The following GRAMD2A variants were observed in gnomAD, a reference collection of about 807,000 sequenced individuals.
GRAMD2A encodes the protein GRAM domain containing 2A.
Under a neutral mutation model 51.1 loss-of-function variants are expected in GRAMD2A, and 37 were observed. That is an observed-to-expected ratio of 0.72 (90% CI 0.56 to 0.95). The LOEUF is 0.95. Ranked by LOEUF, GRAMD2A falls within the 40% of genes least tolerant of loss-of-function variation. GRAMD2A has a pLI of 0.00. For synonymous variants in GRAMD2A, 136 were observed against 157.1 expected (o/e 0.87, Z 1.01); for missense variants, 414 against 426.9 (o/e 0.97, Z 0.27).
At chr15:72,186,184 T>C (rs2081732950) in intron 1 of GRAMD2A, among the ~76,000 whole-genome samples, 1 of 152,192 alleles carries the variant, frequency 6.6e-6, no homozygotes, top group African/African-American at 2.4e-5. Flanking sequence ...ACTAAAATTA[T>C]AGTGCTCAGT....
chr15:72,169,243 G>A (rs187960769), intron 2 of GRAMD2A: 37 of 564,030 alleles, frequency 6.6e-5, no homozygotes, highest in Admixed American at 2.1e-4. Context: ...TCCCCAGTGC[G>A]GGTGAGCAGC....
In GRAMD2A at chr15:72,168,180, G is replaced by A. The variant is rs553274203; in HGVS notation, c.268+311C>T. 1.3e-3 allele frequency among the ~76,000 whole-genome samples: 197 copies of A among 152,222 alleles called. 2 individuals are homozygous for A. The highest frequency in any genetic ancestry group is 2.6e-3 in the Non-Finnish European group (179 of 68,040). ...CTTTCCCTGCTCTGCTCTGCCCCAAGGGCCTTGATTGTGCAAATGCCCCCA... is the reference window on the plus strand; with the variant it reads ...CTTTCCCTGCTCTGCTCTGCCCCAAAGGCCTTGATTGTGCAAATGCCCCCA... On this transcript the variant is annotated intron_variant, in intron 4 of 11. Transcript: ENST00000309731.
In GRAMD2A at chr15:72,161,922, A is replaced by C; in HGVS notation, c.*87T>G. On this transcript the variant is annotated 3_prime_UTR_variant, in exon 12 of 12. Transcript: ENST00000309731. ...TCATAGGCAGTCTTAGCACAGCAGC[A>C]GCATAAACCACAGGGATCATTGGTG... 1 of 1,392,452 alleles carries C rather than the reference A, an allele frequency of 7.2e-7. No individual in the cohort carries two copies. The highest frequency in any genetic ancestry group is 1.0e-6 in the Non-Finnish European group (1 of 977,692). The allele number at this position is 1,392,452 out of a possible 1,614,324, so 86.3% of individuals were successfully genotyped here.
intron 1 of GRAMD2A, among the ~76,000 whole-genome samples, chr15:72,171,592 G>C (rs1006851612): frequency 6.6e-6 from 1 of 152,144 alleles, no homozygotes; most frequent in Non-Finnish European, 1.5e-5. Flanking sequence ...ACATGAAGGT[G>C]CCTGTTTCCC....
intron 1 of GRAMD2A, among the ~76,000 whole-genome samples, chr15:72,178,942 A>G (rs998405901): frequency 2.0e-5 from 3 of 152,112 alleles, no homozygotes; most frequent in Admixed American, 1.3e-4. Context: ...ATCTAGGACA[A>G]CTGCTTTGTC....
intron 1 of GRAMD2A, among the ~76,000 whole-genome samples, chr15:72,192,356 A>C (rs1223646576): frequency 6.6e-6 from 1 of 152,218 alleles, no homozygotes; most frequent in African/African-American, 2.4e-5. Flanking sequence ...CCAATTCTGA[A>C]GTACTGTCAC....
chr15:72,186,056 T>C (rs574727669), intron 1 of GRAMD2A, among the ~76,000 whole-genome samples: 62 of 152,312 alleles, frequency 4.1e-4, no homozygotes, highest in Admixed American at 9.8e-4. Context: ...GTATTCTTCA[T>C]ATGTAGGGAG....
At position 72,170,747 on chromosome 15, in the gene GRAMD2A, A is replaced by ACTTGGTT. The variant is rs1381166669; in HGVS notation, c.42-809_42-808insAACCAAG. On this transcript the variant is annotated intron_variant, in intron 1 of 11. Coordinates refer to ENST00000309731, the MANE Select transcript of GRAMD2A (RefSeq NM_001012642.3). The surrounding 1 kb of genome is among the most constrained non-coding windows in gnomAD (Gnocchi z 4.5). ...AAGCCAGCCCCAACCAAGTGGGCCCAGGGGCTGACCAAGAAAGAGAGGGTG... is the reference window on the plus strand; with the variant it reads ...AAGCCAGCCCCAACCAAGTGGGCCCACTTGGTTGGGGCTGACCAAGAAAGAGAGGGTG... 2.0e-5 allele frequency among the ~76,000 whole-genome samples: 3 copies of ACTTGGTT among 152,112 alleles called. No homozygotes were observed. The highest frequency in any genetic ancestry group is 1.3e-4 in the Admixed American group (2 of 15,270).
chr15:72,187,961 T>G (rs1204972156), intron 1 of GRAMD2A, among the ~76,000 whole-genome samples: 1 of 152,256 alleles, frequency 6.6e-6, no homozygotes, highest in Non-Finnish European at 1.5e-5. Flanking sequence ...AAATTTTATG[T>G]GTAGACACCT....
At chr15:72,165,231 G>C in intron 8 of GRAMD2A, 123 bp downstream of exon 8, 2 of 819,118 alleles carry the variant, frequency 2.4e-6, no homozygotes, top group Non-Finnish European at 4.1e-6. Context: ...GGCATAGCAT[G>C]GCCACTGACT....
At position 72,195,552 on chromosome 15, in the gene GRAMD2A, G is replaced by C. The variant is rs139436410; in HGVS notation, c.41+2179C>G. 3.7e-4 allele frequency among the ~76,000 whole-genome samples: 56 copies of C among 152,276 alleles called. 1 individual carries two copies. The highest frequency in any genetic ancestry group is 1.3e-3 in the African/African-American group (52 of 41,568). On this transcript the variant is annotated intron_variant, in intron 1 of 11. Transcript: ENST00000309731. ...GCCGACCTCAACCTCAGGGGGTCACGGGAGCACCCTAGGTGGATGAATTAG... is the reference window on the plus strand; with the variant it reads ...GCCGACCTCAACCTCAGGGGGTCACCGGAGCACCCTAGGTGGATGAATTAG...
intron 1 of GRAMD2A, 29 bp downstream of exon 1, chr15:72,197,702 A>T: frequency 7.7e-7 from 1 of 1,301,420 alleles, no homozygotes; most frequent in Admixed American, 3.5e-5. Context: ...GGAACCCCCG[A>T]GACCGGCCCC....
At chr15:72,186,341 T>C (rs998504042) in intron 1 of GRAMD2A, among the ~76,000 whole-genome samples, 18 of 151,774 alleles carry the variant, frequency 1.2e-4, no homozygotes, top group Non-Finnish European at 2.2e-4. Flanking sequence ...TTTTTTTTTT[T>C]TGAGACAGAG....
At chr15:72,165,214 A>G (rs978904628) in intron 8 of GRAMD2A, 140 bp downstream of exon 8, 6 of 725,732 alleles carry the variant, frequency 8.3e-6, no homozygotes, top group Admixed American at 7.0e-5. Context: ...GGTTTAAGAG[A>G]TGCCCTGGCA....
intron 1 of GRAMD2A, among the ~76,000 whole-genome samples, chr15:72,187,542 A>T (rs2081742307): frequency 6.6e-6 from 1 of 152,046 alleles, no homozygotes; most frequent in African/African-American, 2.4e-5. Context: ...GAGACAGGGT[A>T]TCACTCTGTT....
chr15:72,185,728 C>G (rs1242927337), intron 1 of GRAMD2A, among the ~76,000 whole-genome samples: 2 of 152,098 alleles, frequency 1.3e-5, no homozygotes, highest in Non-Finnish European at 2.9e-5. Context: ...TAAGACAGTC[C>G]AGAAAATGAC....
chr15:72,189,147 CA>C (rs1355303451), intron 1 of GRAMD2A, among the ~76,000 whole-genome samples: 1 of 152,128 alleles, frequency 6.6e-6, no homozygotes, highest in African/African-American at 2.4e-5. Flanking sequence ...AAGGAGAAGG[CA>C]GGAAAAAGAA....
chr15:72,163,243 C>A, intron 10 of GRAMD2A, 23 bp downstream of exon 10: 1 of 1,574,706 alleles, frequency 6.4e-7, no homozygotes, highest in African/African-American at 1.3e-5. Context: ...GGGTCTGTCC[C>A]CCTCCCCAGT....
chr15:72,191,970 A>G (rs1336287386), intron 1 of GRAMD2A, among the ~76,000 whole-genome samples: 1 of 152,252 alleles, frequency 6.6e-6, no homozygotes, highest in Non-Finnish European at 1.5e-5. Context: ...TTATGAGACA[A>G]TGGAGGGAAT....
Sources: allele counts gnomAD v4.1 joint callset (sites outside exome capture counted in the v4.1 genomes callset), GRCh38; gene constraint gnomAD v4.1.1; non-coding constraint Gnocchi (gnomAD v3.1); transcripts MANE v1.5; gene names NCBI Gene and HGNC (gene_info 2026-07-23, HGNC 2026-07-21).